EPHA8: variants seen among roughly 807,000 people sequenced by gnomAD.
EPHA8 encodes EPH receptor A8.
A neutral mutation model predicts 103.6 loss-of-function variants in EPHA8; 58 were observed. The observed-to-expected ratio is 0.56, with a 90% CI of 0.45 to 0.70. The LOEUF is 0.70. EPHA8 is among the 30% of genes least tolerant of loss of function. The pLI, the probability that EPHA8 is intolerant of heterozygous loss-of-function variation, is 0.00. For synonymous variants in EPHA8, 559 were observed against 572.5 expected (o/e 0.98, Z 0.34); for missense variants, 1,304 against 1,395.2 (o/e 0.93, Z 1.04).
At chr1:22,580,525 C>A (rs982077440) in intron 3 of EPHA8, among the ~76,000 whole-genome samples, 1 of 152,172 alleles carries the variant, frequency 6.6e-6, no homozygotes, top group South Asian at 2.1e-4. Flanking sequence ...CCCCAAAGCA[C>A]CTTCTGTGGC....
At position 22,576,492 on chromosome 1, in the gene EPHA8, C is replaced by A. The variant is rs142515766; in HGVS notation, c.435C>A (p.Ile145=). 6.2e-7 allele frequency: 1 copy of A among 1,614,028 alleles called. No homozygotes were observed. Among genetic ancestry groups the A allele is most frequent in the Non-Finnish European group, 8.5e-7 (1 of 1,180,048 alleles). ...CACAAGAAAGCCAGTTCCTCAAAATCGACACCATTGCGGCCGACGAGAGCT... is the reference window on the plus strand; with the variant it reads ...CACAAGAAAGCCAGTTCCTCAAAATAGACACCATTGCGGCCGACGAGAGCT... ...ASTQESQFLK[I]DTIAADESFT... The change falls in exon 3 of 17, where the codon ATC becomes ATA. Residue 145 remains isoleucine (I), a synonymous_variant. Transcript: ENST00000166244. This position sits in a 1 kb window ranked among gnomAD's most constrained non-coding sequence, Gnocchi z 4.8.
rs770052567 is a variant in EPHA8 at position 22,593,455 on chromosome 1, C to G, written c.1440+5C>G. Reference sequence around the variant, plus strand: ...GAGATCAAGTACTACGAGAAGGTACCACGGGCAGGACGGAGTGGGAGGGGC... The same window carrying G: ...GAGATCAAGTACTACGAGAAGGTACGACGGGCAGGACGGAGTGGGAGGGGC... On this transcript the variant is annotated splice_donor_5th_base_variant and intron_variant, in intron 6 of 16. Transcript: ENST00000166244. 15 of 1,610,838 alleles carry G rather than the reference C, an allele frequency of 9.3e-6. No individual in the cohort carries two copies. Among genetic ancestry groups the G allele is most frequent in the Non-Finnish European group, 1.3e-5 (15 of 1,178,430 alleles).
intron 1 of EPHA8, among the ~76,000 whole-genome samples, chr1:22,568,785 AG>A (rs1640441767): frequency 6.6e-6 from 1 of 152,262 alleles, no homozygotes; most frequent in African/African-American, 2.4e-5. Context: ...ATGACTTTGC[AG>A]CATGGACCTT....
At chr1:22,581,704 T>C (rs1475698789) in intron 3 of EPHA8, among the ~76,000 whole-genome samples, 1 of 152,114 alleles carries the variant, frequency 6.6e-6, no homozygotes, top group Non-Finnish European at 1.5e-5. Context: ...AATGCCAAAG[T>C]GGGGTTAGGG....
chr1:22,593,583 C>T lies in EPHA8; in HGVS notation c.1500C>T (p.Ser500=), dbSNP rs145955951. 39 of 1,612,054 alleles carry T rather than the reference C, an allele frequency of 2.4e-5. No homozygotes were observed. In the African/African-American group the frequency reaches 3.1e-4, roughly 13 times the overall value. Residue 500 remains serine, a synonymous_variant, in exon 7 of 17, where the codon TCC becomes TCT. Transcript: ENST00000166244. ...CCGTCACCACCAGAGCCACCGTCTC[C>T]GGCCTCAAGCCGGGCACCCGCTACG... ...LKAVTTRATV[S]GLKPGTRYVF...
chr1:22,578,356 G>A (rs1035494172), intron 3 of EPHA8, among the ~76,000 whole-genome samples: 4 of 149,798 alleles, frequency 2.7e-5, no homozygotes, highest in African/African-American at 9.9e-5. Context: ...GTGTATGTGT[G>A]CGTGCATGTG....
chr1:22,601,641 TG>T lies in EPHA8; in HGVS notation c.2921del (p.Gly974AlafsTer22). On this transcript the variant is annotated frameshift_variant, in exon 17 of 17. Coordinates refer to ENST00000166244, the MANE Select transcript of EPHA8 (RefSeq NM_020526.5). LOFTEE classifies it high-confidence loss of function. ...TTCCTTCACAGGGACGTGCGCGCCC[TG>T]GGCATCACCCTCATGGGCCACCAGA... ...LRMNAQDVRALGITLMGHQKK... is the reference protein window; with the variant it reads ...LRMNAQDVRAXGITLMGHQKK... 1 of 1,593,490 alleles carries T rather than the reference TG, an allele frequency of 6.3e-7. No individual in the cohort carries two copies. Among genetic ancestry groups the T allele is most frequent in the Non-Finnish European group, 8.5e-7 (1 of 1,170,320 alleles).
chr1:22,581,434 G>A (rs1641043999), intron 3 of EPHA8, among the ~76,000 whole-genome samples: 1 of 152,010 alleles, frequency 6.6e-6, no homozygotes, highest in Admixed American at 6.5e-5. Flanking sequence ...CTGTCTGTAG[G>A]AAGAAGACCT....
At position 22,574,329 on chromosome 1, in the gene EPHA8, A is replaced by G. The variant is rs369991377; in HGVS notation, c.160-1888A>G. Reference sequence around the variant, plus strand: ...ATTCTGGTGAAATACACATAAGGTAAAGTTTACCGTCTTAACCCTTTTTAA... The same window carrying G: ...ATTCTGGTGAAATACACATAAGGTAGAGTTTACCGTCTTAACCCTTTTTAA... On this transcript the variant is annotated intron_variant, in intron 2 of 16. Coordinates refer to ENST00000166244, the MANE Select transcript of EPHA8 (RefSeq NM_020526.5). Among the ~76,000 whole-genome samples, 28 of 152,262 alleles carry G rather than the reference A, an allele frequency of 1.8e-4. No individual in the cohort carries two copies. The East Asian group carries it at 4.8e-3, about 26-fold the overall frequency.
chr1:22,570,313 TAC>T (rs753975461), intron 2 of EPHA8, among the ~76,000 whole-genome samples: 10 of 124,424 alleles, frequency 8.0e-5, no homozygotes, highest in Non-Finnish European at 1.3e-4. Context: ...CGTGTGCGTG[TAC>T]ACACATGCAC....
intron 5 of EPHA8, among the ~76,000 whole-genome samples, chr1:22,592,716 C>T (rs894422069): frequency 6.6e-6 from 1 of 152,066 alleles, no homozygotes; most frequent in Non-Finnish European, 1.5e-5. Context: ...GAGGACAGGG[C>T]AGTTCCCTCT....
intron 1 of EPHA8, among the ~76,000 whole-genome samples, chr1:22,566,136 C>T (rs549947671): frequency 2.0e-5 from 3 of 152,208 alleles, no homozygotes; most frequent in Non-Finnish European, 4.4e-5. Context: ...TTTGCTGGGG[C>T]ACCCGTGGGC....
intron 13 of EPHA8, among the ~76,000 whole-genome samples, chr1:22,599,852 G>A (rs1486321763): frequency 3.5e-5 from 3 of 84,780 alleles, no homozygotes; most frequent in African/African-American, 5.2e-5. Context: ...GAGAGGAGGG[G>A]AGGGAAGGGA....
intron 2 of EPHA8, among the ~76,000 whole-genome samples, chr1:22,574,955 T>C (rs1640642642): frequency 6.6e-6 from 1 of 152,102 alleles, no homozygotes; most frequent in African/African-American, 2.4e-5. Flanking sequence ...CACTTATTAT[T>C]ATCATTTTTT....
At chr1:22,599,573 GAAGGAAGGA>G (rs1369799140) in intron 13 of EPHA8, among the ~76,000 whole-genome samples, 3 of 146,646 alleles carry the variant, frequency 2.0e-5, no homozygotes, top group Non-Finnish European at 3.0e-5. Context: ...ACAAAAGAAA[GAAGGAAGGA>G]AAGGAAGGAG....
chr1:22,603,418 AT>A lies in EPHA8; in HGVS notation c.*1680del, dbSNP rs1182530216. ...CCCCACCCCACCCCACTCTTACCCA[AT>A]TTCTGGGCTCTGGATCCTCACAGTC... On this transcript the variant is annotated 3_prime_UTR_variant, in exon 17 of 17. Transcript: ENST00000166244. 1 of 151,720 alleles carries A rather than the reference AT, an allele frequency of 6.6e-6. No individual in the cohort carries two copies. The highest frequency in any genetic ancestry group is 1.9e-4 in the East Asian group (1 of 5,144). The allele number at this position is 151,720 out of a possible 1,614,324, so 9.4% of individuals were successfully genotyped here.
rs368167619 is a variant in EPHA8, at chr1:22,576,817, C to T, written c.760C>T (p.Leu254Phe). The change falls in exon 3 of 17, where the codon CTC (leucine) becomes TTC (phenylalanine). Residue 254 changes from leucine (L) to phenylalanine (F), a missense_variant. Leu to Phe is a conservative substitution (Grantham distance 22). Transcript: ENST00000166244. The surrounding 1 kb of genome is among the most constrained non-coding windows in gnomAD (Gnocchi z 4.8). ...GTACTGCAGCGCGGAGGGCGAGTGGCTCGTGCCCATCGGCAAATGCGTGTG... is the reference window on the plus strand; with the variant it reads ...GTACTGCAGCGCGGAGGGCGAGTGGTTCGTGCCCATCGGCAAATGCGTGTG... ...KMYCSAEGEW[L>F]VPIGKCVCSA... 3 of 1,611,326 alleles carry T rather than the reference C, an allele frequency of 1.9e-6. No homozygotes were observed. The highest frequency in any genetic ancestry group is 2.7e-5 in the African/African-American group (2 of 74,898).
In EPHA8 at chr1:22,589,188, A is replaced by G. The variant is rs755050279; in HGVS notation, c.1297A>G (p.Ile433Val). ...PEPRRAAVVN[I>V]TTNQAAPSQV... ...GCCCCGCCGGGCCGCTGTGGTCAAC[A>G]TCACCACGAACCAGGCAGGTAGGCG... Residue 433 changes from isoleucine to valine, a missense_variant, in exon 5 of 17, where the codon ATC becomes GTC. Ile to Val is a conservative substitution (Grantham distance 29). Transcript: ENST00000166244. The surrounding 1 kb of genome is among the most constrained non-coding windows in gnomAD (Gnocchi z 4.3). 3.1e-6 allele frequency: 5 copies of G among 1,613,854 alleles called. No homozygotes were observed. Among genetic ancestry groups the G allele is most frequent in the Non-Finnish European group, 4.2e-6 (5 of 1,180,006 alleles).
At position 22,564,734 on chromosome 1, in the gene EPHA8, C is replaced by T. The variant is rs112991291; in HGVS notation, c.94+1005C>T. On this transcript the variant is annotated intron_variant, in intron 1 of 16. Transcript: ENST00000166244. ...TTTCCCTGGGTCCCACTCCCCACACCCCAACCCCTGCCCTGACCCTCCTCT... is the reference window on the plus strand; with the variant it reads ...TTTCCCTGGGTCCCACTCCCCACACTCCAACCCCTGCCCTGACCCTCCTCT... Among the ~76,000 whole-genome samples, 671 of 152,204 alleles carry T rather than the reference C, an allele frequency of 4.4e-3. 8 individuals are homozygous for T. The highest frequency in any genetic ancestry group is 0.014 in the African/African-American group (592 of 41,516).
Sources: allele counts gnomAD v4.1 joint callset (sites outside exome capture counted in the v4.1 genomes callset), GRCh38; gene constraint gnomAD v4.1.1; non-coding constraint Gnocchi (gnomAD v3.1); transcripts MANE v1.5; gene names NCBI Gene and HGNC (gene_info 2026-07-23, HGNC 2026-07-21).